The following CREM variants were observed in gnomAD, a reference collection of about 807,000 sequenced individuals.
CREM encodes the protein cAMP-responsive element modulator.
Under a neutral mutation model 37.3 loss-of-function variants are expected in CREM, and 13 were observed. The ratio of observed to expected loss-of-function variants is 0.35; its 90% CI spans 0.23 to 0.55. The LOEUF (loss-of-function observed/expected upper bound fraction) is 0.55, where lower values mean the gene tolerates loss of function less well. Among genes scored for constraint, CREM ranks in the 20% least tolerant of loss-of-function variants. The probability of loss-of-function intolerance (pLI) is 0.88; values close to 1 mark genes in which losing one functional copy is unlikely to be tolerated. For missense variants in CREM, 296 were observed against 362.3 expected (o/e 0.82, Z 1.49); for synonymous variants, 124 against 120.2 (o/e 1.03, Z -0.21).
At chr10:35,165,074 A>AT (rs560138567) in intron 3 of CREM, among the ~76,000 whole-genome samples, 8,504 of 141,964 alleles carry the variant, frequency 0.06, 375 homozygotes, top group Non-Finnish European at 0.081. Context: ...AAAAAAAAAA[A>AT]AAAAGAAAAG....
intron 1 of CREM, 191 bp downstream of exon 1, chr10:35,127,384 C>CG (rs1386893260): frequency 1.3e-5 from 2 of 151,900 alleles, no homozygotes; most frequent in Admixed American, 6.6e-5. Context: ...GTTCACCTGA[C>CG]GCGGCCCCTC....
At position 35,211,293 on chromosome 10, in the gene CREM, T is replaced by C; in HGVS notation, c.795T>C (p.Tyr265=). 2 of 1,614,120 alleles carry C rather than the reference T, an allele frequency of 1.2e-6. No individual in the cohort carries two copies. Among genetic ancestry groups the C allele is most frequent in the Non-Finnish European group, 1.7e-6 (2 of 1,179,998 alleles). ...ARECRRKKKE[Y]VKCLENRVAV... ...AGTGTCGCAGGAAGAAGAAAGAATA[T>C]GTCAAATGTCTTGAAAATCGTGTGG... The change falls in exon 8 of 8, where the codon TAT becomes TAC. Residue 265 remains tyrosine (Y), a synonymous_variant. Coordinates refer to ENST00000685392, the MANE Select transcript of CREM (RefSeq NM_183011.2).
intron 6 of CREM, among the ~76,000 whole-genome samples, chr10:35,205,159 G>A (rs896147074): frequency 7.2e-5 from 11 of 152,158 alleles, no homozygotes; most frequent in Admixed American, 2.0e-4. Flanking sequence ...TTTATCACTC[G>A]AATCCATCTG....
At chr10:35,157,635 C>CAAAAAAAAAAAAA (rs71523362) in intron 3 of CREM, among the ~76,000 whole-genome samples, 1 of 87,142 alleles carries the variant, frequency 1.1e-5, no homozygotes, top group African/African-American at 4.3e-5. Flanking sequence ...GACCCTGTCT[C>CAAAAAAAAAAAAA]AAAAAAAAAA....
At chr10:35,131,444 G>A (rs541408243) in intron 1 of CREM, among the ~76,000 whole-genome samples, 87 of 151,954 alleles carry the variant, frequency 5.7e-4, no homozygotes, top group African/African-American at 1.9e-3. Context: ...TTTATTGATA[G>A]CACAAAAAAT....
chr10:35,204,234 G>A (rs1161016557), intron 6 of CREM, among the ~76,000 whole-genome samples: 2 of 152,154 alleles, frequency 1.3e-5, no homozygotes, highest in African/African-American at 2.4e-5. Flanking sequence ...AGTTGTCTGT[G>A]TATACATTAT....
At chr10:35,173,370 A>T (rs1564875081) in intron 3 of CREM, among the ~76,000 whole-genome samples, 2 of 152,212 alleles carry the variant, frequency 1.3e-5, no homozygotes, top group African/African-American at 4.8e-5. Flanking sequence ...TCACATACCA[A>T]CTAAAGCAAC....
chr10:35,157,027 A>G (rs2092958022), intron 3 of CREM, among the ~76,000 whole-genome samples: 1 of 152,218 alleles, frequency 6.6e-6, no homozygotes, highest in African/African-American at 2.4e-5. Flanking sequence ...TCAACAACAT[A>G]TTAAAAAGAT....
At chr10:35,127,394 CGCTCGGCGCCCCCGAGGCCGCCG>C (rs2088031353) in intron 1 of CREM, 1 of 151,918 alleles carries the variant, frequency 6.6e-6, no homozygotes, top group Admixed American at 6.6e-5. Context: ...CGCGGCCCCT[CGCTCGGCGCCCCCGAGGCCGCCG>C]GCTCGCCGCC....
chr10:35,167,648 G>A, intron 3 of CREM: 1 of 1,445,044 alleles, frequency 6.9e-7, no homozygotes, highest in Non-Finnish European at 9.6e-7. Context: ...TAATTGCAAA[G>A]CCAAATAAGG....
At chr10:35,129,918 C>G (rs965075754) in intron 1 of CREM, among the ~76,000 whole-genome samples, 1 of 152,076 alleles carries the variant, frequency 6.6e-6, no homozygotes, top group African/African-American at 2.4e-5. Context: ...CAGTTTAGGC[C>G]GGGCATGGTG....
chr10:35,170,064 G>A (rs541241001), intron 3 of CREM, among the ~76,000 whole-genome samples: 81 of 150,362 alleles, frequency 5.4e-4, no homozygotes, highest in African/African-American at 1.9e-3. Flanking sequence ...CTGGGTTCAC[G>A]CCATTCTCCT....
chr10:35,195,935 G>T (rs918353400), intron 6 of CREM: 8 of 841,906 alleles, frequency 9.5e-6, no homozygotes, highest in Admixed American at 4.4e-5. Flanking sequence ...GAGTTAACTA[G>T]CTCACCACTG....
intron 6 of CREM, among the ~76,000 whole-genome samples, chr10:35,206,263 T>C (rs967354337): frequency 4.0e-5 from 6 of 150,076 alleles, no homozygotes; most frequent in Non-Finnish European, 8.9e-5. Flanking sequence ...AAAAAAAATA[T>C]GTGTGTGTAT....
chr10:35,143,177 G>T (rs1307580748), intron 2 of CREM, among the ~76,000 whole-genome samples: 1 of 151,928 alleles, frequency 6.6e-6, no homozygotes, highest in Non-Finnish European at 1.5e-5. Context: ...CACCATGTTG[G>T]CCAGGCTGGT....
At chr10:35,133,707 A>G (rs948662920) in intron 1 of CREM, among the ~76,000 whole-genome samples, 1 of 152,246 alleles carries the variant, frequency 6.6e-6, no homozygotes, top group Non-Finnish European at 1.5e-5. Flanking sequence ...CATTTAATCT[A>G]CTTAGTCATT....
chr10:35,145,749 C>T (rs1368477932), intron 2 of CREM, among the ~76,000 whole-genome samples: 2 of 120,104 alleles, frequency 1.7e-5, no homozygotes, highest in Non-Finnish European at 3.2e-5. Flanking sequence ...GCACTCCAGC[C>T]TGGGTTGACA....
intron 6 of CREM, among the ~76,000 whole-genome samples, chr10:35,200,581 G>A (rs2095355241): frequency 1.3e-5 from 2 of 152,156 alleles, no homozygotes; most frequent in African/African-American, 2.4e-5. Flanking sequence ...AGAAGGGAAC[G>A]TTTTTGGCAG....
At position 35,178,729 on chromosome 10, in the gene CREM, G is replaced by C. The variant is rs2094211466; in HGVS notation, c.169-160G>C. The C allele has an allele frequency of 7.5e-6, 4 of 530,904 alleles. No homozygotes were observed. In the East Asian group the frequency reaches 1.2e-4, roughly 16 times the overall value. 32.9% of individuals were successfully genotyped at this position (530,904 alleles called of 1,614,324 possible). A position where few individuals can be genotyped will look rare whatever the true frequency, so the allele number is the denominator to read the frequency against. On this transcript the variant is annotated intron_variant, in intron 3 of 7. Coordinates refer to ENST00000685392, the MANE Select transcript of CREM (RefSeq NM_183011.2). ...TGTTTGCGTCTGCGCTTCCTTTCTT[G>C]AGCCAGACTCCTTCAGTGCAGATTC...
Sources: allele counts gnomAD v4.1 joint callset (sites outside exome capture counted in the v4.1 genomes callset), GRCh38; gene constraint gnomAD v4.1.1; transcripts MANE v1.5; gene names NCBI Gene and HGNC (gene_info 2026-07-23, HGNC 2026-07-21).